CRY1: variants seen among roughly 807,000 people sequenced by gnomAD.
CRY1 encodes cryptochrome circadian regulator 1.
Under a neutral mutation model 76.0 loss-of-function variants are expected in CRY1, and 45 were observed. That is an observed-to-expected ratio of 0.59 (90% CI 0.47 to 0.76). The LOEUF (loss-of-function observed/expected upper bound fraction) is 0.76. Among genes scored for constraint, CRY1 ranks in the 30% least tolerant of loss-of-function variants. The pLI is 0.00. For synonymous variants in CRY1, 248 were observed against 244.0 expected, an observed-to-expected ratio of 1.02 and a Z score of -0.15; for missense variants, 587 against 716.4, an observed-to-expected ratio of 0.82 and a Z score of 2.06.
Position 107,035,152 on chromosome 12 carries a change from T to A in CRY1, c.159-12960A>T, listed in dbSNP as rs140211937. On this transcript the variant is annotated intron_variant, in intron 1 of 12. Coordinates refer to ENST00000008527, the MANE Select transcript of CRY1 (RefSeq NM_004075.5). ...CTAACAGCCCTATTTCAAATTTCTG[T>A]CCTTCAAAAAGATATTAATAATGCT... 2.0e-5 allele frequency among the ~76,000 whole-genome samples: 3 copies of A among 152,350 alleles called. No individual in the cohort carries two copies. The East Asian group carries it at 5.8e-4, about 29-fold the overall frequency.
chr12:107,081,593 A>G (rs1486037980), intron 1 of CRY1, among the ~76,000 whole-genome samples: 1 of 152,108 alleles, frequency 6.6e-6, no homozygotes, highest in African/African-American at 2.4e-5. Flanking sequence ...ACCCAGCATC[A>G]ATAATACTGC....
At chr12:107,042,501 C>T (rs1031823558) in intron 1 of CRY1, among the ~76,000 whole-genome samples, 4 of 152,008 alleles carry the variant, frequency 2.6e-5, no homozygotes, top group African/African-American at 9.7e-5. Flanking sequence ...TGGCATTTTT[C>T]CCCCAAAATG....
chr12:107,020,817 G>A (rs946075693), intron 2 of CRY1, among the ~76,000 whole-genome samples: 1 of 152,132 alleles, frequency 6.6e-6, no homozygotes, highest in Admixed American at 6.5e-5. Context: ...ATACAAAAAG[G>A]GCAATGAGGA....
chr12:106,994,555 T>C (rs1952212889), intron 10 of CRY1, among the ~76,000 whole-genome samples: 2 of 152,350 alleles, frequency 1.3e-5, no homozygotes, highest in South Asian at 4.1e-4. Flanking sequence ...AGGCAAATAT[T>C]TACATGATTA....
intron 1 of CRY1, among the ~76,000 whole-genome samples, chr12:107,025,670 C>G (rs922765665): frequency 6.6e-6 from 1 of 152,090 alleles, no homozygotes; most frequent in African/African-American, 2.4e-5. Flanking sequence ...TACTGCAATG[C>G]CTTAAAATAG....
At chr12:107,057,138 C>A (rs1016050632) in intron 1 of CRY1, among the ~76,000 whole-genome samples, 1 of 151,932 alleles carries the variant, frequency 6.6e-6, no homozygotes, top group Non-Finnish European at 1.5e-5. Context: ...TAAGTACTTA[C>A]AATACAGAAG....
chr12:107,003,185 C>T (rs1201525318), intron 3 of CRY1, among the ~76,000 whole-genome samples: 3 of 152,106 alleles, frequency 2.0e-5, no homozygotes, highest in Non-Finnish European at 4.4e-5. Flanking sequence ...CATAAGCCCC[C>T]AAATTTCAAG....
intron 1 of CRY1, among the ~76,000 whole-genome samples, chr12:107,092,214 G>C (rs1373928563): frequency 1.3e-5 from 2 of 152,148 alleles, no homozygotes; most frequent in East Asian, 1.9e-4. Context: ...CTGATCCCTA[G>C]AAGGACTACA....
At chr12:107,011,832 G>A (rs916226056) in intron 2 of CRY1, among the ~76,000 whole-genome samples, 1 of 152,230 alleles carries the variant, frequency 6.6e-6, no homozygotes, top group Non-Finnish European at 1.5e-5. Flanking sequence ...CAGATTTTCA[G>A]TGTTGATGAA....
chr12:107,011,415 A>C (rs189237636), intron 2 of CRY1, among the ~76,000 whole-genome samples: 234 of 152,202 alleles, frequency 1.5e-3, no homozygotes, highest in African/African-American at 5.2e-3. Flanking sequence ...GGCCATTTGC[A>C]CCAGTTAGCC....
intron 1 of CRY1, among the ~76,000 whole-genome samples, chr12:107,022,472 A>T (rs1428539372): frequency 6.6e-6 from 1 of 151,238 alleles, no homozygotes. Context: ...AAACATACAA[A>T]GAAGTATCAA....
chr12:107,049,307 C>A (rs1952888827), intron 1 of CRY1, among the ~76,000 whole-genome samples: 3 of 152,194 alleles, frequency 2.0e-5, no homozygotes, highest in African/African-American at 7.2e-5. Context: ...AAAACAGCAT[C>A]AAATGTCAAG....
chr12:107,076,618 GAAA>G (rs58432343), intron 1 of CRY1, among the ~76,000 whole-genome samples: 65 of 99,458 alleles, frequency 6.5e-4, no homozygotes, highest in East Asian at 2.2e-3. Flanking sequence ...CTGCCTCAAA[GAAA>G]AAAAAAAAAA....
intron 1 of CRY1, among the ~76,000 whole-genome samples, chr12:107,062,516 T>C (rs1259603886): frequency 6.6e-6 from 1 of 152,140 alleles, no homozygotes; most frequent in African/African-American, 2.4e-5. Context: ...AGCGCTGACA[T>C]AATATATATT....
intron 2 of CRY1, among the ~76,000 whole-genome samples, chr12:107,014,380 G>A (rs563134409): frequency 1.3e-5 from 2 of 152,206 alleles, no homozygotes; most frequent in East Asian, 1.9e-4. Flanking sequence ...TGATCCTCCG[G>A]CATACTCATC....
At chr12:106,998,770 C>T (rs888119119) in intron 7 of CRY1, among the ~76,000 whole-genome samples, 34 of 151,642 alleles carry the variant, frequency 2.2e-4, no homozygotes, top group African/African-American at 5.6e-4. Flanking sequence ...TGGCCGGGCA[C>T]GGTGGCTCAT....
intron 1 of CRY1, among the ~76,000 whole-genome samples, chr12:107,073,863 C>T (rs1953220256): frequency 1.3e-5 from 2 of 152,174 alleles, no homozygotes; most frequent in African/African-American, 4.8e-5. Context: ...ACACCTAGTC[C>T]CAACTTCTCT....
intron 2 of CRY1, among the ~76,000 whole-genome samples, chr12:107,014,865 T>C (rs1013462801): frequency 3.9e-4 from 59 of 151,992 alleles, no homozygotes; most frequent in African/African-American, 1.4e-3. Context: ...TCTATATATA[T>C]ATATTTTGTG....
At chr12:107,086,547 G>A (rs1488375169) in intron 1 of CRY1, among the ~76,000 whole-genome samples, 1 of 152,194 alleles carries the variant, frequency 6.6e-6, no homozygotes, top group East Asian at 1.9e-4. Context: ...TTGCTGCCTT[G>A]TGCGGTCTTG....
Sources: gnomAD v4.1 joint callset for allele counts (sites outside exome capture counted in the v4.1 genomes callset) on GRCh38, gnomAD v4.1.1 for gene constraint, MANE v1.5 for transcripts, NCBI Gene and HGNC (gene_info 2026-07-23, HGNC 2026-07-21) for gene names.